The following YBX2 variants were observed in gnomAD, a reference collection of about 807,000 sequenced individuals.
The protein encoded by YBX2 is Y-box-binding protein 2.
Under a neutral mutation model 44.4 loss-of-function variants are expected in YBX2, and 5 were observed. The observed-to-expected ratio is 0.11, with a 90% CI of 0.06 to 0.24. The LOEUF is 0.24. Ranked by LOEUF, YBX2 falls within the 10% of genes least tolerant of loss-of-function variation. YBX2 has a pLI of 1.00. For synonymous variants in YBX2, 188 were observed against 216.1 expected, an observed-to-expected ratio of 0.87 and a Z score of 1.14; for missense variants, 417 against 526.9, an observed-to-expected ratio of 0.79 and a Z score of 2.04.
chr17:7,288,777 T>A lies in YBX2; in HGVS notation c.*11A>T. ...ATGGCAGCTCTGGGTGTCCTCTGAG[T>A]TGAGTTGGAATCACTCCAGGATGGT... On this transcript the variant is annotated 3_prime_UTR_variant, in exon 8 of 9. Transcript: ENST00000007699. The A allele has an allele frequency of 5.0e-6, 8 of 1,613,826 alleles. No homozygotes were observed. Among genetic ancestry groups the A allele is most frequent in the Non-Finnish European group, 6.8e-6 (8 of 1,179,744 alleles).
At chr17:7,293,985 C>T (rs1467928343) in intron 1 of YBX2, 2 of 483,946 alleles carry the variant, frequency 4.1e-6, no homozygotes, top group South Asian at 1.2e-4. Flanking sequence ...GTGGCCGGAC[C>T]CTGGGGCTTT....
Position 7,294,194 on chromosome 17 carries a change from C to T in YBX2, c.271+36G>A. Reference sequence around the variant, plus strand: ...CACTGCCCCTCCCCCAGCCCGCCGACCCCTCAGAGCCGCCCTGTGCGCGCC... The same window carrying T: ...CACTGCCCCTCCCCCAGCCCGCCGATCCCTCAGAGCCGCCCTGTGCGCGCC... On this transcript the variant is annotated intron_variant, in intron 1 of 8. Coordinates refer to ENST00000007699, the MANE Select transcript of YBX2 (RefSeq NM_015982.4). The surrounding 1 kb of genome is among the most constrained non-coding windows in gnomAD (Gnocchi z 4.6). 1 of 1,248,962 alleles carries T rather than the reference C, an allele frequency of 8.0e-7. No homozygotes were observed. Among genetic ancestry groups the T allele is most frequent in the Non-Finnish European group, 1.0e-6 (1 of 1,000,062 alleles). The allele number at this position is 1,248,962 out of a possible 1,614,324, so 77.4% of individuals were successfully genotyped here.
Position 7,294,518 on chromosome 17 carries a change from C to A in YBX2, c.-18G>T. The A allele has an allele frequency of 6.9e-7, 1 of 1,446,432 alleles. No homozygotes were observed. The highest frequency in any genetic ancestry group is 2.4e-5 in the Admixed American group (1 of 42,522). 89.6% of individuals were successfully genotyped at this position (1,446,432 alleles called of 1,614,324 possible). On this transcript the variant is annotated 5_prime_UTR_variant, in exon 1 of 9. Coordinates refer to ENST00000007699, the MANE Select transcript of YBX2 (RefSeq NM_015982.4). The surrounding 1 kb of genome is among the most constrained non-coding windows in gnomAD (Gnocchi z 4.6). ...TCGCTCATCCCGCCGGGTCCAGTAC[C>A]GGCCACAGCCGCCACCGCCCCGGCC...
intron 4 of YBX2, among the ~76,000 whole-genome samples, chr17:7,290,746 C>G (rs1172503716): frequency 6.6e-6 from 1 of 152,204 alleles, no homozygotes; most frequent in Non-Finnish European, 1.5e-5. Flanking sequence ...GCTACTGCAC[C>G]CTCCTGAGTA....
rs2072522072 is a variant in YBX2 at position 7,294,192 on chromosome 17, G to A, written c.271+38C>T. 7 of 1,245,184 alleles carry A rather than the reference G, an allele frequency of 5.6e-6. No homozygotes were observed. The highest frequency in any genetic ancestry group is 3.1e-4 in the Middle Eastern group (1 of 3,234). The allele number at this position is 1,245,184 out of a possible 1,614,324, so 77.1% of individuals were successfully genotyped here. A position where few individuals can be genotyped will look rare whatever the true frequency, so the allele number is the denominator to read the frequency against. On this transcript the variant is annotated intron_variant, in intron 1 of 8. Coordinates refer to ENST00000007699, the MANE Select transcript of YBX2 (RefSeq NM_015982.4). This position sits in a 1 kb window ranked among gnomAD's most constrained non-coding sequence, Gnocchi z 4.6. ...CACACTGCCCCTCCCCCAGCCCGCC[G>A]ACCCCTCAGAGCCGCCCTGTGCGCG... is the stretch of plus-strand genomic sequence containing the variant.
chr17:7,289,131 G>A (rs541011231), intron 7 of YBX2, among the ~76,000 whole-genome samples: 6 of 152,264 alleles, frequency 3.9e-5, no homozygotes, highest in South Asian at 4.1e-4. Context: ...CAAAGTGCTG[G>A]GATTACAGGC....
In YBX2 at chr17:7,294,458, CG is replaced by C. The variant is rs1374822245; in HGVS notation, c.42del (p.Ala15ArgfsTer12). The C allele has an allele frequency of 1.4e-6, 2 of 1,475,890 alleles. No individual in the cohort carries two copies. Among genetic ancestry groups the C allele is most frequent in the Non-Finnish European group, 9.0e-7 (1 of 1,116,640 alleles). 91.4% of individuals were successfully genotyped at this position (1,475,890 alleles called of 1,614,324 possible). ...VEAAAGATAV[P>X]AATVPATAAG... ...GCCGCCGTCGCGGGCACCGTCGCCGCGGGGACCGCTGTAGCCCCCGCTGCCG... is the reference window on the plus strand; with the variant it reads ...GCCGCCGTCGCGGGCACCGTCGCCGCGGGACCGCTGTAGCCCCCGCTGCCG... On this transcript the variant is annotated frameshift_variant, in exon 1 of 9. Coordinates refer to ENST00000007699, the MANE Select transcript of YBX2 (RefSeq NM_015982.4). LOFTEE classifies it high-confidence loss of function. This position sits in a 1 kb window ranked among gnomAD's most constrained non-coding sequence, Gnocchi z 4.6.
At chr17:7,290,605 C>T (rs1455736948) in intron 4 of YBX2, 70 bp from the exon 5 acceptor site, 5 of 1,562,310 alleles carry the variant, frequency 3.2e-6, no homozygotes, top group East Asian at 4.5e-5. Flanking sequence ...ACTTGCTTCC[C>T]CTTCTTTCAG....
Position 7,294,504 on chromosome 17 carries a change from G to A in YBX2, c.-4C>T, listed in dbSNP as rs2072526598. ...CTGCCGCCTCCACCTCGCTCATCCC[G>A]CCGGGTCCAGTACCGGCCACAGCCG... On this transcript the variant is annotated 5_prime_UTR_variant, in exon 1 of 9. Coordinates refer to ENST00000007699, the MANE Select transcript of YBX2 (RefSeq NM_015982.4). The surrounding 1 kb of genome is among the most constrained non-coding windows in gnomAD (Gnocchi z 4.6). The A allele has an allele frequency of 2.7e-6, 4 of 1,466,852 alleles. No homozygotes were observed. Among genetic ancestry groups the A allele is most frequent in the East Asian group, 3.0e-5 (1 of 33,182 alleles). 90.9% of individuals were successfully genotyped at this position (1,466,852 alleles called of 1,614,324 possible).
At chr17:7,292,813 G>A (rs575434474) in intron 2 of YBX2, 1 of 155,650 alleles carries the variant, frequency 6.4e-6, no homozygotes. Flanking sequence ...TAAAGCACTT[G>A]GATCTGCACA....
intron 2 of YBX2, 168 bp from the exon 3 acceptor site, chr17:7,292,227 C>A: frequency 1.3e-6 from 1 of 758,940 alleles, no homozygotes. Flanking sequence ...GCAGGGCCCC[C>A]AGAAGCTGGT....
At chr17:7,293,246 T>TCATTAAAAAA in intron 2 of YBX2, 1 of 681,760 alleles carries the variant, frequency 1.5e-6, no homozygotes, top group Admixed American at 2.8e-5. Flanking sequence ...AGAGCCAGGT[T>TCATTAAAAAA]TGCCAAGTTC....
Position 7,291,304 on chromosome 17 carries a change from G to T in YBX2, c.370-122C>A, listed in dbSNP as rs943726698. The T allele has an allele frequency of 1.0e-6, 1 of 970,512 alleles. No homozygotes were observed. The allele number at this position is 970,512 out of a possible 1,614,324, so 60.1% of individuals were successfully genotyped here. ...TTGACTTGGGGTCTAGAGCTGGAGG[G>T]TGGAGCAAGGAGGTGGTCAAAGTTT... On this transcript the variant is annotated intron_variant, in intron 3 of 8. Coordinates refer to ENST00000007699, the MANE Select transcript of YBX2 (RefSeq NM_015982.4). This position sits in a 1 kb window ranked among gnomAD's most constrained non-coding sequence, Gnocchi z 5.8.
chr17:7,292,204 G>A, intron 2 of YBX2, 145 bp from the exon 3 acceptor site: 1 of 927,774 alleles, frequency 1.1e-6, no homozygotes, highest in Non-Finnish European at 1.7e-6. Flanking sequence ...CTGGGGAATG[G>A]GAGGGAGAGC....
Position 7,293,681 on chromosome 17 carries a change from C to T in YBX2, c.272-143G>A. The T allele has an allele frequency of 2.7e-6, 4 of 1,496,814 alleles. No individual in the cohort carries two copies. The South Asian group carries it at 3.8e-5, about 14-fold the overall frequency. 92.7% of individuals were successfully genotyped at this position (1,496,814 alleles called of 1,614,324 possible). ...GGTTACCTTCAAGCCAACCAGGTTT[C>T]ACTAGTAGCTTCAAGGTATTCCTAC... On this transcript the variant is annotated intron_variant, in intron 1 of 8. Transcript: ENST00000007699.
intron 7 of YBX2, among the ~76,000 whole-genome samples, chr17:7,289,296 G>GT (rs1401706976): frequency 1.6e-5 from 1 of 64,256 alleles, no homozygotes; most frequent in Non-Finnish European, 5.3e-5. Flanking sequence ...GGGATGGGTT[G>GT]GGGGGGGCAT....
At chr17:7,289,919 G>C (rs762946188) in intron 6 of YBX2, 49 bp downstream of exon 6, 1 of 1,609,424 alleles carries the variant, frequency 6.2e-7, no homozygotes, top group Non-Finnish European at 8.5e-7. Context: ...CTTGCCCCAA[G>C]GATCCAACAC....
Position 7,294,627 on chromosome 17 carries a change from C to G in YBX2, c.-127G>C, listed in dbSNP as rs1321059816. The G allele has an allele frequency of 8.9e-7, 1 of 1,119,322 alleles. No individual in the cohort carries two copies. The highest frequency in any genetic ancestry group is 1.1e-6 in the Non-Finnish European group (1 of 896,428). 69.3% of individuals were successfully genotyped at this position (1,119,322 alleles called of 1,614,324 possible). A position where few individuals can be genotyped will look rare whatever the true frequency, so the allele number is the denominator to read the frequency against. ...CACACGCCGGCAGCGGGCCCGGAGC[C>G]GAGGCCAATGGCAGCCCGCTGCCGC... On this transcript the variant is annotated 5_prime_UTR_variant, in exon 1 of 9. Transcript: ENST00000007699. The surrounding 1 kb of genome is among the most constrained non-coding windows in gnomAD (Gnocchi z 4.6).
At chr17:7,292,142 T>C in intron 2 of YBX2, 83 bp from the exon 3 acceptor site, 1 of 1,498,648 alleles carries the variant, frequency 6.7e-7, no homozygotes, top group Non-Finnish European at 9.3e-7. Flanking sequence ...ATGCCCAGTC[T>C]AAGCTCAGTG....
Sources: allele counts gnomAD v4.1 joint callset (sites outside exome capture counted in the v4.1 genomes callset), GRCh38; gene constraint gnomAD v4.1.1; non-coding constraint Gnocchi (gnomAD v3.1); transcripts MANE v1.5; gene names NCBI Gene and HGNC (gene_info 2026-07-23, HGNC 2026-07-21).